STPG2: variants seen among roughly 807,000 people sequenced by gnomAD.
The protein encoded by STPG2 is sperm tail PG-rich repeat containing 2.
In STPG2, 56 loss-of-function variants were observed where a neutral mutation model predicts 54.2. That is an observed-to-expected ratio of 1.03 (90% CI 0.83 to 1.29). STPG2 has a LOEUF of 1.29. Ranked by LOEUF, STPG2 falls within the 50% of genes most tolerant of loss-of-function variation. The pLI is 0.00. For missense variants in STPG2, 596 were observed against 544.9 expected, an observed-to-expected ratio of 1.09 and a Z score of -0.93; for synonymous variants, 200 against 181.8, an observed-to-expected ratio of 1.10 and a Z score of -0.81.
intron 4 of STPG2, among the ~76,000 whole-genome samples, chr4:97,470,973 A>G (rs1489848655): frequency 6.6e-6 from 1 of 152,112 alleles, no homozygotes; most frequent in East Asian, 1.9e-4. Context: ...AGCCATTACA[A>G]TATCGATGGT....
rs78007924 is a variant in STPG2, at chr4:97,457,179, G to C, written c.462+255520C>G. Reference sequence around the variant, plus strand: ...GAATACAAAATGACACAGCCACTTTGGAAAGTATTTTGGCAGTATTTTAAC... The same window carrying C: ...GAATACAAAATGACACAGCCACTTTCGAAAGTATTTTGGCAGTATTTTAAC... On this transcript the variant is annotated intron_variant, in intron 4 of 4. Transcript: ENST00000522676. Among the ~76,000 whole-genome samples, 801 of 152,250 alleles carry C rather than the reference G, an allele frequency of 5.3e-3. 5 individuals are homozygous for C. Among genetic ancestry groups the C allele is most frequent in the African/African-American group, 0.018 (760 of 41,550 alleles).
chr4:97,821,707 C>G (rs1356550667), intron 9 of STPG2, among the ~76,000 whole-genome samples: 1 of 152,216 alleles, frequency 6.6e-6, no homozygotes, highest in Non-Finnish European at 1.5e-5. Context: ...TGCCTACAGA[C>G]TTAACATCAC....
intron 4 of STPG2, among the ~76,000 whole-genome samples, chr4:97,540,648 C>T (rs906346973): frequency 1.3e-5 from 2 of 152,096 alleles, no homozygotes; most frequent in African/African-American, 2.4e-5. Flanking sequence ...GATACCAAAG[C>T]CTGGCAGAGA....
chr4:97,928,711 T>G (rs1732427214), intron 8 of STPG2, among the ~76,000 whole-genome samples: 1 of 152,122 alleles, frequency 6.6e-6, no homozygotes, highest in African/African-American at 2.4e-5. Context: ...AATACTGATT[T>G]GTGAATTTTT....
At chr4:97,803,183 C>T (rs997727276) in intron 9 of STPG2, among the ~76,000 whole-genome samples, 1 of 152,242 alleles carries the variant, frequency 6.6e-6, no homozygotes, top group Admixed American at 6.5e-5. Context: ...ACCATGGCCA[C>T]CATCCTCCAA....
intron 4 of STPG2, among the ~76,000 whole-genome samples, chr4:97,483,976 T>C (rs184910081): frequency 5.8e-4 from 88 of 151,922 alleles, no homozygotes; most frequent in Middle Eastern, 6.8e-3. Context: ...TGAATGAGCA[T>C]TGGGTCAAAA....
At chr4:97,652,196 T>C (rs1249742988) in intron 10 of STPG2, among the ~76,000 whole-genome samples, 1 of 151,924 alleles carries the variant, frequency 6.6e-6, no homozygotes, top group Admixed American at 6.6e-5. Flanking sequence ...TATTTACACA[T>C]TGTAACGAAG....
chr4:97,850,326 A>AT (rs1553918504), intron 8 of STPG2, among the ~76,000 whole-genome samples: 16 of 146,852 alleles, frequency 1.1e-4, no homozygotes, highest in South Asian at 6.5e-4. Flanking sequence ...AAATAAATAA[A>AT]GAAGTAGAGC....
At chr4:97,452,117 C>A (rs1729387415) in intron 4 of STPG2, among the ~76,000 whole-genome samples, 10 of 27,770 alleles carry the variant, frequency 3.6e-4, no homozygotes, top group Non-Finnish European at 1.3e-3. Context: ...GAGCCCCGCC[C>A]CCACCCCCCC....
chr4:98,032,467 C>A lies in STPG2; in HGVS notation c.613-51149G>T, dbSNP rs2710860. Among the ~76,000 whole-genome samples, 364 of 152,066 alleles carry A rather than the reference C, an allele frequency of 2.4e-3. 1 individual carries two copies. The highest frequency in any genetic ancestry group is 3.8e-3 in the Non-Finnish European group (257 of 67,982). On this transcript the variant is annotated intron_variant, in intron 5 of 10. Coordinates refer to ENST00000295268, the MANE Select transcript of STPG2 (RefSeq NM_174952.3). ...ATCTAACACAAGTCATAATGGAAGA[C>A]ACAGAGACTCCCACACAATAATAGT...
intron 5 of STPG2, among the ~76,000 whole-genome samples, chr4:97,995,649 A>G (rs944638770): frequency 6.6e-6 from 1 of 152,216 alleles, no homozygotes; most frequent in African/African-American, 2.4e-5. Context: ...AAAAATGAAC[A>G]GATAGAGAAT....
chr4:97,599,232 A>T (rs1018089213), intron 10 of STPG2, among the ~76,000 whole-genome samples: 2 of 152,220 alleles, frequency 1.3e-5, no homozygotes, highest in Non-Finnish European at 2.9e-5. Context: ...ATTATTAAAA[A>T]GTCAAAAAAT....
intron 5 of STPG2, among the ~76,000 whole-genome samples, chr4:98,091,217 G>A (rs1454436459): frequency 1.3e-5 from 2 of 151,852 alleles, no homozygotes; most frequent in Non-Finnish European, 2.9e-5. Flanking sequence ...TTCACTATGT[G>A]AACCACTATG....
chr4:98,124,564 T>C (rs567796010), intron 3 of STPG2, among the ~76,000 whole-genome samples: 4 of 152,344 alleles, frequency 2.6e-5, no homozygotes, highest in Non-Finnish European at 5.9e-5. Context: ...TCTGATGGGC[T>C]TCCCTTTGTA....
chr4:97,760,127 C>T (rs1433503827), intron 9 of STPG2, among the ~76,000 whole-genome samples: 2 of 152,146 alleles, frequency 1.3e-5, no homozygotes, highest in East Asian at 1.9e-4. Context: ...GATTTTCGCA[C>T]ATCTAAATAG....
chr4:97,546,221 G>A (rs1005261162), intron 4 of STPG2, among the ~76,000 whole-genome samples: 2 of 151,714 alleles, frequency 1.3e-5, no homozygotes, highest in Middle Eastern at 3.4e-3. Flanking sequence ...AAAAGAAAAT[G>A]TAATTATATA....
chr4:97,912,641 C>T (rs1731723795), intron 8 of STPG2, among the ~76,000 whole-genome samples: 1 of 151,580 alleles, frequency 6.6e-6, no homozygotes, highest in African/African-American at 2.4e-5. Context: ...AAGGAATGAA[C>T]AAAAAAGAAT....
chr4:97,972,522 GT>G, intron 6 of STPG2, 82 bp from the exon 7 acceptor site: 4 of 811,668 alleles, frequency 4.9e-6, no homozygotes, highest in East Asian at 3.1e-5. Flanking sequence ...TTAATTAAGG[GT>G]TTTTTTCTAA....
intron 5 of STPG2, among the ~76,000 whole-genome samples, chr4:98,051,444 G>C (rs1737317670): frequency 6.6e-6 from 1 of 152,004 alleles, no homozygotes; most frequent in East Asian, 1.9e-4. Flanking sequence ...GAGGCAATTA[G>C]GATTAGATAA....
Sources: allele counts gnomAD v4.1 joint callset (sites outside exome capture counted in the v4.1 genomes callset), GRCh38; gene constraint gnomAD v4.1.1; transcripts MANE v1.5; gene names NCBI Gene and HGNC (gene_info 2026-07-23, HGNC 2026-07-21).